Variants in SMOC2 observed in about 807,000 individuals in gnomAD.
The protein encoded by SMOC2 is SPARC-related modular calcium-binding protein 2.
A neutral mutation model predicts 61.4 loss-of-function variants in SMOC2; 39 were observed. The observed-to-expected ratio is 0.64, with a 90% CI of 0.49 to 0.83. The LOEUF is 0.83. Ranked by LOEUF, SMOC2 falls within the 40% of genes least tolerant of loss-of-function variation. SMOC2 has a pLI of 0.00. For synonymous variants in SMOC2, 247 were observed against 239.9 expected (o/e 1.03, Z -0.27); for missense variants, 556 against 592.9 (o/e 0.94, Z 0.65).
chr6:168,510,984 G>A (rs1176892453), intron 2 of SMOC2, among the ~76,000 whole-genome samples: 3 of 152,150 alleles, frequency 2.0e-5, no homozygotes, highest in Non-Finnish European at 4.4e-5. Context: ...ATGTCCAGCA[G>A]GGGTCCCATA....
Position 168,482,597 on chromosome 6 carries a change from C to A in SMOC2, c.85-27318C>A, listed in dbSNP as rs561422369. Reference sequence around the variant, plus strand: ...GATTCCAATGCCAGACAAAGACACTCTAAGAAAAGGCAACTAGAGGCCAAT... The same window carrying A: ...GATTCCAATGCCAGACAAAGACACTATAAGAAAAGGCAACTAGAGGCCAAT... On this transcript the variant is annotated intron_variant, in intron 1 of 12. Transcript: ENST00000356284. Among the ~76,000 whole-genome samples the A allele has an allele frequency of 2.0e-5, 3 of 152,106 alleles. No homozygotes were observed. In the South Asian group the frequency reaches 6.2e-4, roughly 32 times the overall value.
rs547087360 is a variant in SMOC2 at position 168,652,444 on chromosome 6, G to A, written c.1011-510G>A. On this transcript the variant is annotated intron_variant, in intron 10 of 12. Coordinates refer to ENST00000356284, the MANE Select transcript of SMOC2 (RefSeq NM_001166412.2). ...CCATTTGGTGCACTTTTAAAGATCC[G>A]CACCTTCTAGAAGAGTTTATTTATG... Among the ~76,000 whole-genome samples the A allele has an allele frequency of 3.9e-5, 6 of 152,272 alleles. No homozygotes were observed. The East Asian group carries it at 9.6e-4, about 24-fold the overall frequency.
rs1350736598 is a variant in SMOC2, at chr6:168,599,670, T to TC, written c.824+670dup. On this transcript the variant is annotated intron_variant, in intron 8 of 12. Coordinates refer to ENST00000356284, the MANE Select transcript of SMOC2 (RefSeq NM_001166412.2). ...CACACTCATACCCACACTCACACAC[T>TC]CCCCTACACACTCTCACACTCTCAC... is the stretch of plus-strand genomic sequence containing the variant. Among the ~76,000 whole-genome samples, 644 of 67,290 alleles carry TC rather than the reference T, an allele frequency of 9.6e-3. 7 individuals carry two copies. Among genetic ancestry groups the TC allele is most frequent in the African/African-American group, 0.032 (572 of 17,724 alleles). The allele number at this position is 67,290 out of a possible 152,430, so 44.1% of individuals were successfully genotyped here. A position where few individuals can be genotyped will look rare whatever the true frequency, so the allele number is the denominator to read the frequency against.
intron 9 of SMOC2, among the ~76,000 whole-genome samples, chr6:168,640,297 T>C (rs2115260306): frequency 6.6e-6 from 1 of 152,172 alleles, no homozygotes; most frequent in African/African-American, 2.4e-5. Flanking sequence ...TAGGGTTCAT[T>C]GGTGGTGACT....
intron 1 of SMOC2, among the ~76,000 whole-genome samples, chr6:168,467,544 G>A (rs1235323967): frequency 6.6e-6 from 1 of 152,018 alleles, no homozygotes; most frequent in African/African-American, 2.4e-5. Flanking sequence ...TCCTGACCTC[G>A]TGATCCACCC....
In SMOC2 at chr6:168,588,135, T is replaced by A. The variant is rs1785086089; in HGVS notation, c.638-10683T>A. ...CTCCCTCACCCTTTTTTTTGTTTTG[T>A]TTTTTTGAGATGGAGTCTCGCTCTG... On this transcript the variant is annotated intron_variant, in intron 7 of 12. Coordinates refer to ENST00000356284, the MANE Select transcript of SMOC2 (RefSeq NM_001166412.2). 1.3e-5 allele frequency among the ~76,000 whole-genome samples: 2 copies of A among 150,104 alleles called. 1 individual carries two copies. The highest frequency in any genetic ancestry group is 4.3e-4 in the South Asian group (2 of 4,640).
At chr6:168,458,016 C>T (rs1247403460) in intron 1 of SMOC2, among the ~76,000 whole-genome samples, 2 of 152,196 alleles carry the variant, frequency 1.3e-5, no homozygotes, top group Non-Finnish European at 2.9e-5. Flanking sequence ...GACACACTCT[C>T]ACGTGGAATC....
In SMOC2 at chr6:168,608,257, G is replaced by A. The variant is rs1360689732; in HGVS notation, c.907+18G>A. On this transcript the variant is annotated intron_variant, in intron 9 of 12. Transcript: ENST00000356284. ...GCTACAAGGTGAGCAGCACCCGCGA[G>A]TGTGGCCCGAATCCACAGGCCCCAC... 2 of 1,608,132 alleles carry A rather than the reference G, an allele frequency of 1.2e-6. No individual in the cohort carries two copies. The highest frequency in any genetic ancestry group is 1.1e-5 in the South Asian group (1 of 90,012).
At chr6:168,450,240 A>G (rs1373100021) in intron 1 of SMOC2, among the ~76,000 whole-genome samples, 1 of 152,236 alleles carries the variant, frequency 6.6e-6, no homozygotes, top group African/African-American at 2.4e-5. Flanking sequence ...TAATGTGAGC[A>G]TTCTGGTGGC....
intron 7 of SMOC2, among the ~76,000 whole-genome samples, chr6:168,573,394 C>T (rs1349974576): frequency 6.6e-6 from 1 of 150,512 alleles, no homozygotes; most frequent in Non-Finnish European, 1.5e-5. Context: ...CTGCGTGGTC[C>T]CTGAACGCGA....
At chr6:168,591,889 A>G (rs887763326) in intron 7 of SMOC2, among the ~76,000 whole-genome samples, 1 of 152,190 alleles carries the variant, frequency 6.6e-6, no homozygotes, top group African/African-American at 2.4e-5. Context: ...TTTTGTAATC[A>G]TTCATTATTA....
intron 9 of SMOC2, among the ~76,000 whole-genome samples, chr6:168,615,063 C>G (rs1474649010): frequency 9.5e-6 from 1 of 105,818 alleles, no homozygotes; most frequent in Non-Finnish European, 2.0e-5. Flanking sequence ...CACAGGGCCT[C>G]TTCATACTTA....
chr6:168,658,642 G>A (rs1340230651), intron 11 of SMOC2, among the ~76,000 whole-genome samples: 1 of 152,184 alleles, frequency 6.6e-6, no homozygotes, highest in African/African-American at 2.4e-5. Flanking sequence ...TCTTTGTAAG[G>A]GGGTTGGATG....
chr6:168,598,703 C>T (rs568441358), intron 7 of SMOC2, 115 bp from the exon 8 acceptor site: 67 of 1,245,882 alleles, frequency 5.4e-5, no homozygotes, highest in Non-Finnish European at 7.0e-5. Context: ...CCTCCTGCTC[C>T]GGGGTGAAGG....
chr6:168,645,680 C>T (rs1787007898), intron 9 of SMOC2, among the ~76,000 whole-genome samples: 1 of 152,240 alleles, frequency 6.6e-6, no homozygotes, highest in Non-Finnish European at 1.5e-5. Context: ...AGGTGCCCAG[C>T]AGGTGTTCTC....
At chr6:168,618,817 C>T (rs993169315) in intron 9 of SMOC2, among the ~76,000 whole-genome samples, 1 of 152,136 alleles carries the variant, frequency 6.6e-6, no homozygotes, top group African/African-American at 2.4e-5. Flanking sequence ...CTCGACGCAG[C>T]AGGCACACGG....
At chr6:168,507,228 C>T (rs557079725) in intron 1 of SMOC2, among the ~76,000 whole-genome samples, 1 of 152,186 alleles carries the variant, frequency 6.6e-6, no homozygotes, top group Non-Finnish European at 1.5e-5. Context: ...TCAGGAAATA[C>T]ATAGAGACCA....
At chr6:168,580,363 G>A (rs191977669) in intron 7 of SMOC2, among the ~76,000 whole-genome samples, 1 of 152,292 alleles carries the variant, frequency 6.6e-6, no homozygotes, top group African/African-American at 2.4e-5. Flanking sequence ...CCTGGAGAGG[G>A]CCTGGTCCTC....
intron 9 of SMOC2, among the ~76,000 whole-genome samples, chr6:168,613,808 C>CA (rs1429007452): frequency 7.9e-6 from 1 of 126,434 alleles, no homozygotes; most frequent in Non-Finnish European, 1.7e-5. Flanking sequence ...AGGGCCTCTT[C>CA]TCCTAGAGCC....
Sources: gnomAD v4.1 joint callset for allele counts (sites outside exome capture counted in the v4.1 genomes callset) on GRCh38, gnomAD v4.1.1 for gene constraint, MANE v1.5 for transcripts, NCBI Gene and HGNC (gene_info 2026-07-23, HGNC 2026-07-21) for gene names.